CHD2: variants seen among roughly 807,000 people sequenced by gnomAD.
The protein encoded by CHD2 is ATP-dependent chromatin remodeler CHD2.
Under a neutral mutation model 243.9 loss-of-function variants are expected in CHD2, and 28 were observed. That is an observed-to-expected ratio of 0.11 (90% CI 0.09 to 0.16). CHD2 has a LOEUF of 0.16. Ranked by LOEUF, CHD2 falls within the 10% of genes least tolerant of loss-of-function variation. The probability of loss-of-function intolerance (pLI) is 1.00; values close to 1 mark genes in which losing one functional copy is unlikely to be tolerated. For missense variants in CHD2, 1,386 were observed against 2,209.8 expected, an observed-to-expected ratio of 0.63 and a Z score of 7.47; for synonymous variants, 775 against 779.0, an observed-to-expected ratio of 0.99 and a Z score of 0.09.
In CHD2 at chr15:93,014,724, G is replaced by A. The variant is rs56227200; in HGVS notation, c.4721G>A (p.Gly1574Glu). The part of the protein sequence containing the change: ...EEQKKKDDVT[G>E]GKKPFRPEAS... ...CAAAAGAAGAAAGACGACGTGACTGGGGGTAAGAAACCATTTCGTCCAGAG... is the reference window on the plus strand; with the variant it reads ...CAAAAGAAGAAAGACGACGTGACTGAGGGTAAGAAACCATTTCGTCCAGAG... Residue 1574 changes from glycine (G) to glutamate (E), a missense_variant, in exon 37 of 39, where the codon GGG (glycine) becomes GAG (glutamate). Gly to Glu is a moderately conservative substitution (Grantham distance 98, BLOSUM62 -2). Coordinates refer to ENST00000394196, the MANE Select transcript of CHD2 (RefSeq NM_001271.4). 86 of 1,613,932 alleles carry A rather than the reference G, an allele frequency of 5.3e-5. No homozygotes were observed. Among genetic ancestry groups the A allele is most frequent in the Non-Finnish European group, 7.0e-5 (83 of 1,180,000 alleles).
chr15:92,978,161 T>TA (rs1318293645), intron 20 of CHD2, 73 bp from the exon 21 acceptor site: 2 of 1,580,132 alleles, frequency 1.3e-6, no homozygotes, highest in Admixed American at 1.7e-5. Context: ...TTTCCAGGTG[T>TA]AAGGGCTTAT....
Position 92,948,990 on chromosome 15 carries a change from A to G in CHD2, c.1416A>G (p.Lys472=), listed in dbSNP as rs1424677285. 2 of 1,614,138 alleles carry G rather than the reference A, an allele frequency of 1.2e-6. No individual in the cohort carries two copies. Among genetic ancestry groups the G allele is most frequent in the Middle Eastern group, 1.7e-4 (1 of 6,060 alleles). ...GACCACGATTTGTAGCTTTAAAGAAACAACCTGCATATTTAGGAGGGGAGA... is the reference window on the plus strand; with the variant it reads ...GACCACGATTTGTAGCTTTAAAGAAGCAACCTGCATATTTAGGAGGGGAGA... The part of the protein sequence containing the change: ...KQRPRFVALK[K]QPAYLGGENL... The change falls in exon 13 of 39, where the codon AAA becomes AAG. Residue 472 remains lysine (K), a synonymous_variant. Coordinates refer to ENST00000394196, the MANE Select transcript of CHD2 (RefSeq NM_001271.4).
chr15:92,990,505 G>A (rs532963291), intron 26 of CHD2, among the ~76,000 whole-genome samples: 3 of 152,250 alleles, frequency 2.0e-5, no homozygotes, highest in South Asian at 4.1e-4. Context: ...CTGTCATTTC[G>A]GAAGTGTTGT....
chr15:93,006,124 CTTT>C (rs55820002), intron 34 of CHD2, among the ~76,000 whole-genome samples: 4 of 125,264 alleles, frequency 3.2e-5, no homozygotes, highest in Admixed American at 8.7e-5. Context: ...CTCTCTCTCT[CTTT>C]TTTTTTTTTT....
At position 92,946,228 on chromosome 15, in the gene CHD2, G is replaced by A. The variant is rs200005446; in HGVS notation, c.1377+12G>A. 525 of 1,591,796 alleles carry A rather than the reference G, an allele frequency of 3.3e-4. No individual in the cohort carries two copies. Among genetic ancestry groups the A allele is most frequent in the Non-Finnish European group, 4.3e-4 (505 of 1,166,762 alleles). ...CAAGAGAATGCAAGGTATGGTGATG[G>A]TTGGCTTTTGTTTTTTCAGGGAGAA... On this transcript the variant is annotated intron_variant, in intron 12 of 38. Transcript: ENST00000394196.
chr15:92,972,037 G>C, intron 18 of CHD2, 110 bp downstream of exon 18: 1 of 1,238,472 alleles, frequency 8.1e-7, no homozygotes, highest in Non-Finnish European at 1.1e-6. Context: ...GATCATCAAA[G>C]GAAGCTTTAA....
At chr15:92,931,685 T>TTA (rs2053169854) in intron 5 of CHD2, among the ~76,000 whole-genome samples, 2 of 152,058 alleles carry the variant, frequency 1.3e-5, no homozygotes, top group South Asian at 4.2e-4. Flanking sequence ...CTGTGTATAT[T>TTA]TATATATATA....
At chr15:92,925,156 T>C (rs1450871708) in intron 3 of CHD2, among the ~76,000 whole-genome samples, 3 of 152,176 alleles carry the variant, frequency 2.0e-5, no homozygotes, top group African/African-American at 7.2e-5. Flanking sequence ...TAATATGTAG[T>C]TATAGGTTGG....
intron 24 of CHD2, among the ~76,000 whole-genome samples, chr15:92,983,297 A>G (rs1471079156): frequency 1.3e-5 from 2 of 152,214 alleles, no homozygotes; most frequent in African/African-American, 4.8e-5. Flanking sequence ...TGTTTCAAGC[A>G]CTATCTTAAG....
chr15:92,981,129 C>T (rs923887575), intron 23 of CHD2, among the ~76,000 whole-genome samples: 1 of 152,072 alleles, frequency 6.6e-6, no homozygotes, highest in Non-Finnish European at 1.5e-5. Context: ...TTGTTTTTTT[C>T]TCCCATTTCT....
chr15:92,981,282 A>G (rs2141846962), intron 23 of CHD2, 83 bp from the exon 24 acceptor site: 1 of 893,528 alleles, frequency 1.1e-6, no homozygotes, highest in South Asian at 1.5e-5. Context: ...AAACATTTTT[A>G]GTAAATACGA....
chr15:92,997,951 C>G lies in CHD2; in HGVS notation c.3885+548C>G, dbSNP rs897045474. 17 of 79,530 alleles carry G rather than the reference C, an allele frequency of 2.1e-4. No homozygotes were observed. The South Asian group carries it at 2.8e-3, about 13-fold the overall frequency. 4.9% of individuals were successfully genotyped at this position (79,530 alleles called of 1,614,324 possible). A position where few individuals can be genotyped will look rare whatever the true frequency, so the allele number is the denominator to read the frequency against. ...TTGGTAGGATTTGCTCCATGTTGTGCTCCTGGCAGTTCAACAGTGCTCATC... is the reference window on the plus strand; with the variant it reads ...TTGGTAGGATTTGCTCCATGTTGTGGTCCTGGCAGTTCAACAGTGCTCATC... On this transcript the variant is annotated intron_variant, in intron 30 of 38. Coordinates refer to ENST00000394196, the MANE Select transcript of CHD2 (RefSeq NM_001271.4). This position sits in a 1 kb window ranked among gnomAD's most constrained non-coding sequence, Gnocchi z 4.1.
chr15:92,941,738 T>G (rs1479147960), intron 7 of CHD2, 84 bp from the exon 8 acceptor site: 2 of 1,376,714 alleles, frequency 1.5e-6, no homozygotes, highest in Non-Finnish European at 2.0e-6. Flanking sequence ...AAGGGTATGG[T>G]TTCTTATTCT....
intron 2 of CHD2, among the ~76,000 whole-genome samples, chr15:92,915,814 AT>A (rs1207921437): frequency 2.6e-5 from 4 of 152,272 alleles, no homozygotes; most frequent in African/African-American, 9.6e-5. Context: ...CCTGCCTCCC[AT>A]TTTTTTCCTA....
chr15:92,941,709 A>C lies in CHD2; in HGVS notation c.693-113A>C, dbSNP rs1405937038. 3 of 1,089,734 alleles carry C rather than the reference A, an allele frequency of 2.8e-6. No homozygotes were observed. In the African/African-American group the frequency reaches 4.8e-5, roughly 17 times the overall value. 67.5% of individuals were successfully genotyped at this position (1,089,734 alleles called of 1,614,324 possible). ...ACTGTAAATGGCAGATCTATAAAAC[A>C]ACATGCTTTTGGAACCAAAAGGGTA... On this transcript the variant is annotated intron_variant, in intron 7 of 38. Transcript: ENST00000394196.
At chr15:92,933,566 T>G (rs1477273731) in intron 5 of CHD2, among the ~76,000 whole-genome samples, 1 of 152,218 alleles carries the variant, frequency 6.6e-6, no homozygotes, top group Non-Finnish European at 1.5e-5. Flanking sequence ...TGCGCAGTGT[T>G]GTATAAGATT....
Position 92,997,604 on chromosome 15 carries a change from A to G in CHD2, c.3885+201A>G. 1 of 422,422 alleles carries G rather than the reference A, an allele frequency of 2.4e-6. No individual in the cohort carries two copies. The highest frequency in any genetic ancestry group is 4.0e-6 in the Non-Finnish European group (1 of 249,074). The allele number at this position is 422,422 out of a possible 1,614,324, so 26.2% of individuals were successfully genotyped here. A position where few individuals can be genotyped will look rare whatever the true frequency, so the allele number is the denominator to read the frequency against. On this transcript the variant is annotated intron_variant, in intron 30 of 38. Coordinates refer to ENST00000394196, the MANE Select transcript of CHD2 (RefSeq NM_001271.4). The surrounding 1 kb of genome is among the most constrained non-coding windows in gnomAD (Gnocchi z 4.1). Reference sequence around the variant, plus strand: ...AGGGAAAAGACAGTAGCCAGGTGAAATTTTGGGGAAACTGTAGGAGAAATC... The same window carrying G: ...AGGGAAAAGACAGTAGCCAGGTGAAGTTTTGGGGAAACTGTAGGAGAAATC...
Position 92,945,841 on chromosome 15 carries a change from A to G in CHD2, c.1174A>G (p.Thr392Ala), listed in dbSNP as rs754295120. 4.1e-5 allele frequency: 65 copies of G among 1,584,294 alleles called. 2 individuals carry two copies. In the South Asian group the frequency reaches 7.3e-4, roughly 18 times the overall value. The change falls in exon 11 of 39, where the codon ACA becomes GCA. Residue 392 changes from threonine (T) to alanine (A), a missense_variant. Thr to Ala is a moderately conservative substitution (Grantham distance 58, BLOSUM62 0). This residue lies in a region of CHD2 where 200 missense variants were observed against 292.5 expected (regional missense o/e 0.68). Coordinates refer to ENST00000394196, the MANE Select transcript of CHD2 (RefSeq NM_001271.4). ...TTTAGCTGTGAAGACAAGTAAATCT[A>G]CATTGGGTCAAACAGATTTTCCAGG... ...RVIAVKTSKS[T>A]LGQTDFPAHS...
At chr15:92,909,633 C>G (rs1190562554) in intron 2 of CHD2, among the ~76,000 whole-genome samples, 1 of 152,126 alleles carries the variant, frequency 6.6e-6, no homozygotes, top group Non-Finnish European at 1.5e-5. Flanking sequence ...CAATCCCAGT[C>G]TCAGGTGGGA....
Sources: allele counts gnomAD v4.1 joint callset (sites outside exome capture counted in the v4.1 genomes callset), GRCh38; gene constraint gnomAD v4.1.1; regional missense constraint gnomAD v4.1.1; non-coding constraint Gnocchi (gnomAD v3.1); transcripts MANE v1.5; gene names NCBI Gene and HGNC (gene_info 2026-07-23, HGNC 2026-07-21).